Variants in EPHB1 observed in about 807,000 individuals in gnomAD.
EPHB1 encodes the protein EPH receptor B1.
In EPHB1, 30 loss-of-function variants were observed where a neutral mutation model predicts 94.4. That is an observed-to-expected ratio of 0.32 (90% confidence interval 0.24 to 0.43). The LOEUF (loss-of-function observed/expected upper bound fraction) is 0.43, where lower values mean the gene tolerates loss of function less well. Ranked by LOEUF, EPHB1 falls within the 20% of genes least tolerant of loss-of-function variation. The pLI is 1.00. For missense variants in EPHB1, 1,055 were observed against 1,308.3 expected (o/e 0.81, Z 2.99); for synonymous variants, 522 against 489.1 (o/e 1.07, Z -0.89).
intron 2 of EPHB1, among the ~76,000 whole-genome samples, chr3:134,944,928 T>C (rs2039187245): frequency 1.3e-5 from 2 of 152,248 alleles, no homozygotes; most frequent in African/African-American, 4.8e-5. Flanking sequence ...TCCAACACAG[T>C]GTGCTATCAC....
At chr3:134,919,890 A>C (rs1458893585) in intron 1 of EPHB1, among the ~76,000 whole-genome samples, 1 of 151,896 alleles carries the variant, frequency 6.6e-6, no homozygotes, top group African/African-American at 2.4e-5. Flanking sequence ...GTGTGTGCTC[A>C]TACACAAATA....
intron 12 of EPHB1, among the ~76,000 whole-genome samples, chr3:135,230,575 GTAATT>G (rs1476475556): frequency 6.6e-6 from 1 of 152,082 alleles, no homozygotes; most frequent in Non-Finnish European, 1.5e-5. Context: ...CTAAATTAGG[GTAATT>G]TAATTTAAAT....
intron 3 of EPHB1, among the ~76,000 whole-genome samples, chr3:134,961,300 C>T (rs190347899): frequency 2.0e-5 from 3 of 152,082 alleles, no homozygotes; most frequent in African/African-American, 7.2e-5. Flanking sequence ...GATAAAGCCT[C>T]GAAGGACAGC....
At chr3:135,023,585 G>A (rs1322489702) in intron 3 of EPHB1, among the ~76,000 whole-genome samples, 4 of 152,134 alleles carry the variant, frequency 2.6e-5, no homozygotes, top group Non-Finnish European at 4.4e-5. Context: ...GAACTTAGGG[G>A]CAGAAATAGA....
chr3:134,804,670 C>A (rs1036780000), intron 1 of EPHB1, among the ~76,000 whole-genome samples: 1 of 152,194 alleles, frequency 6.6e-6, no homozygotes, highest in Non-Finnish European at 1.5e-5. Context: ...TCTACAACTT[C>A]TTCTCTGTGG....
chr3:134,880,555 A>G (rs542452851), intron 1 of EPHB1, among the ~76,000 whole-genome samples: 28 of 152,312 alleles, frequency 1.8e-4, no homozygotes, highest in African/African-American at 6.3e-4. Flanking sequence ...AGACTGCTGT[A>G]GCCCCCCGAC....
In EPHB1 at chr3:134,936,056, C is replaced by T. The variant is rs567482288; in HGVS notation, c.123+10176C>T. Reference sequence around the variant, plus strand: ...CCCAGGCTTGTCTAACCACAAAGCTCGCTTTTGTATCTTTGCCCCTGAAGG... The same window carrying T: ...CCCAGGCTTGTCTAACCACAAAGCTTGCTTTTGTATCTTTGCCCCTGAAGG... On this transcript the variant is annotated intron_variant, in intron 2 of 15. Coordinates refer to ENST00000398015, the MANE Select transcript of EPHB1 (RefSeq NM_004441.5). Among the ~76,000 whole-genome samples, 224 of 152,158 alleles carry T rather than the reference C, an allele frequency of 1.5e-3. 1 individual carries two copies. Among genetic ancestry groups the T allele is most frequent in the Admixed American group, 5.4e-3 (83 of 15,292 alleles).
intron 1 of EPHB1, among the ~76,000 whole-genome samples, chr3:134,885,413 C>G (rs2037842780): frequency 6.6e-6 from 1 of 152,202 alleles, no homozygotes; most frequent in Admixed American, 6.5e-5. Flanking sequence ...GGCCTCTCTC[C>G]CTAGTCTTCA....
rs756791659 is a variant in EPHB1 at position 134,951,443 on chromosome 3, C to T, written c.196C>T (p.Pro66Ser). 2 of 1,611,662 alleles carry T rather than the reference C, an allele frequency of 1.2e-6. No homozygotes were observed. Among genetic ancestry groups the T allele is most frequent in the Non-Finnish European group, 1.7e-6 (2 of 1,178,614 alleles). Reference sequence around the variant, plus strand: ...CTACCAGGTGTGCAATGTCTTCGAGCCCAACCAGAACAATTGGCTGCTCAC... The same window carrying T: ...CTACCAGGTGTGCAATGTCTTCGAGTCCAACCAGAACAATTGGCTGCTCAC... ...RTYQVCNVFE[P>S]NQNNWLLTTF... The change falls in exon 3 of 16, where the codon CCC (proline) becomes TCC (serine). Residue 66 changes from proline (P) to serine (S), a missense_variant. By Grantham distance (74) the Pro-to-Ser change is moderately conservative. Coordinates refer to ENST00000398015, the MANE Select transcript of EPHB1 (RefSeq NM_004441.5). This position sits in a 1 kb window ranked among gnomAD's most constrained non-coding sequence, Gnocchi z 4.5.
At chr3:135,074,263 T>TA (rs915204021) in intron 3 of EPHB1, among the ~76,000 whole-genome samples, 8 of 152,252 alleles carry the variant, frequency 5.3e-5, no homozygotes, top group African/African-American at 1.9e-4. Flanking sequence ...GTGGAGTGTT[T>TA]AAATATCATC....
At chr3:134,892,377 A>C (rs1051793835) in intron 1 of EPHB1, among the ~76,000 whole-genome samples, 1 of 152,238 alleles carries the variant, frequency 6.6e-6, no homozygotes, top group Non-Finnish European at 1.5e-5. Flanking sequence ...CTTCACCTCC[A>C]AAAGGGCAGT....
intron 5 of EPHB1, among the ~76,000 whole-genome samples, chr3:135,146,648 C>T (rs1298810445): frequency 6.6e-6 from 1 of 152,228 alleles, no homozygotes; most frequent in Non-Finnish European, 1.5e-5. Flanking sequence ...TTTATCACTC[C>T]AGCCTCTGGG....
intron 1 of EPHB1, among the ~76,000 whole-genome samples, chr3:134,894,817 C>G (rs1432596248): frequency 6.6e-6 from 1 of 152,226 alleles, no homozygotes; most frequent in African/African-American, 2.4e-5. Flanking sequence ...ATTGAAGAGC[C>G]AAGTGCTTTG....
intron 10 of EPHB1, among the ~76,000 whole-genome samples, chr3:135,186,010 C>A (rs575353270): frequency 6.6e-6 from 1 of 152,096 alleles, no homozygotes; most frequent in African/African-American, 2.4e-5. Flanking sequence ...CAGTTATCAG[C>A]GTTAAGAAGG....
chr3:135,103,091 A>G (rs1939090333), intron 3 of EPHB1, among the ~76,000 whole-genome samples: 2 of 152,148 alleles, frequency 1.3e-5, no homozygotes, highest in South Asian at 2.1e-4. Context: ...ATGTATCCCT[A>G]TGTAACAAAC....
chr3:134,953,565 C>T (rs1204760664), intron 3 of EPHB1, among the ~76,000 whole-genome samples: 2 of 152,228 alleles, frequency 1.3e-5, no homozygotes, highest in East Asian at 3.9e-4. Flanking sequence ...ACCAAGGCAC[C>T]AGGCTGAGTT....
rs777291337 is a variant in EPHB1 at position 135,179,813 on chromosome 3, A to T, written c.1760-47A>T. 5 of 1,610,466 alleles carry T rather than the reference A, an allele frequency of 3.1e-6. No individual in the cohort carries two copies. The East Asian group carries it at 8.9e-5, about 29-fold the overall frequency. On this transcript the variant is annotated intron_variant, in intron 9 of 15. Coordinates refer to ENST00000398015, the MANE Select transcript of EPHB1 (RefSeq NM_004441.5). ...GGGACATCAGCAGTGCTGAATGACA[A>T]CCATGTCCTCTTTGGGATGTTAACC...
intron 1 of EPHB1, among the ~76,000 whole-genome samples, chr3:134,919,388 T>A (rs1330303558): frequency 2.0e-5 from 3 of 152,174 alleles, no homozygotes; most frequent in African/African-American, 7.2e-5. Context: ...CTGGTCATGA[T>A]AGAACACAGG....
intron 13 of EPHB1, among the ~76,000 whole-genome samples, chr3:135,248,096 AAAG>A (rs986636960): frequency 2.6e-5 from 4 of 152,204 alleles, no homozygotes; most frequent in Non-Finnish European, 5.9e-5. Flanking sequence ...CTGGGGACAT[AAAG>A]AAGTACTACA....
Sources: allele counts gnomAD v4.1 joint callset (sites outside exome capture counted in the v4.1 genomes callset), GRCh38; gene constraint gnomAD v4.1.1; non-coding constraint Gnocchi (gnomAD v3.1); transcripts MANE v1.5; gene names NCBI Gene and HGNC (gene_info 2026-07-23, HGNC 2026-07-21).